The following ASTN2 variants were observed in gnomAD, a reference collection of about 807,000 sequenced individuals.
The protein encoded by ASTN2 is astrotactin 2.
ASTN2 carries 54 observed loss-of-function variants against 139.8 expected under a neutral mutation model. That is an observed-to-expected ratio of 0.39 (90% CI 0.31 to 0.48). The LOEUF (loss-of-function observed/expected upper bound fraction) is 0.48. Ranked by LOEUF, ASTN2 falls within the 20% of genes least tolerant of loss-of-function variation. The probability of loss-of-function intolerance (pLI) is 0.95; values close to 1 mark genes in which losing one functional copy is unlikely to be tolerated. For synonymous variants in ASTN2, 756 were observed against 719.5 expected (o/e 1.05, Z -0.81); for missense variants, 1,565 against 1,725.1 (o/e 0.91, Z 1.64).
chr9:116,898,092 A>T (rs1429148283), intron 10 of ASTN2, among the ~76,000 whole-genome samples: 1 of 152,066 alleles, frequency 6.6e-6, no homozygotes, highest in Non-Finnish European at 1.5e-5. Flanking sequence ...CTAGTATCAC[A>T]GGAGACTACA....
At chr9:117,341,070 G>C (rs1490244033) in intron 1 of ASTN2, among the ~76,000 whole-genome samples, 2 of 152,160 alleles carry the variant, frequency 1.3e-5, no homozygotes, top group Admixed American at 1.3e-4. Flanking sequence ...GAGATATACA[G>C]GATTGAATTA....
chr9:116,476,477 C>T (rs12005639), intron 20 of ASTN2, among the ~76,000 whole-genome samples: 25,154 of 152,056 alleles, frequency 0.17, 2,366 homozygotes, highest in Middle Eastern at 0.23. Context: ...GGTGTCCCCA[C>T]GGTCCCTGGA....
intron 1 of ASTN2, among the ~76,000 whole-genome samples, chr9:117,393,330 A>C (rs1243954454): frequency 6.6e-6 from 1 of 152,206 alleles, no homozygotes; most frequent in Non-Finnish European, 1.5e-5. Context: ...GGGGACAGAG[A>C]GACAGAGACT....
At chr9:117,232,968 C>A (rs1458024119) in intron 2 of ASTN2, among the ~76,000 whole-genome samples, 4 of 151,490 alleles carry the variant, frequency 2.6e-5, no homozygotes, top group Admixed American at 6.6e-5. Context: ...TTCCTTCCTT[C>A]TGCTCAGGGA....
chr9:116,760,595 C>A (rs927962130), intron 13 of ASTN2, among the ~76,000 whole-genome samples: 4 of 152,160 alleles, frequency 2.6e-5, no homozygotes, highest in Non-Finnish European at 4.4e-5. Context: ...CTTTGGGAAG[C>A]AAACCTGGTA....
At chr9:116,997,954 G>T (rs1469913279) in intron 7 of ASTN2, among the ~76,000 whole-genome samples, 1 of 152,136 alleles carries the variant, frequency 6.6e-6, no homozygotes, top group Non-Finnish European at 1.5e-5. Flanking sequence ...TATAGATAAT[G>T]AATCTGCATT....
chr9:117,408,847 G>A lies in ASTN2; in HGVS notation c.442+5650C>T, dbSNP rs369800684. 1.1e-3 allele frequency among the ~76,000 whole-genome samples: 169 copies of A among 152,236 alleles called. 1 individual carries two copies. Among genetic ancestry groups the A allele is most frequent in the African/African-American group, 3.9e-3 (161 of 41,542 alleles). ...ATAGTACTTTCTGAAGGAAGACAAC[G>A]TATTTCACTCTGCCCTGAGCATTAA... On this transcript the variant is annotated intron_variant, in intron 1 of 22. Coordinates refer to ENST00000313400, the MANE Select transcript of ASTN2 (RefSeq NM_001365068.1).
chr9:116,575,557 C>T (rs559694582), intron 19 of ASTN2, among the ~76,000 whole-genome samples: 1 of 152,228 alleles, frequency 6.6e-6, no homozygotes, highest in African/African-American at 2.4e-5. Context: ...ACATAGTCAG[C>T]AATCAATGTA....
intron 19 of ASTN2, among the ~76,000 whole-genome samples, chr9:116,497,206 G>A (rs887305366): frequency 2.6e-5 from 4 of 152,174 alleles, no homozygotes; most frequent in Non-Finnish European, 5.9e-5. Flanking sequence ...ATAGCCATGG[G>A]CCAAGAGGAT....
At chr9:116,848,887 A>G (rs763572014) in intron 11 of ASTN2, among the ~76,000 whole-genome samples, 4 of 152,202 alleles carry the variant, frequency 2.6e-5, no homozygotes, top group Non-Finnish European at 4.4e-5. Context: ...ACTCAGTCCC[A>G]TAAGACTGCC....
intron 2 of ASTN2, among the ~76,000 whole-genome samples, chr9:117,254,895 A>C (rs1330738733): frequency 6.6e-6 from 1 of 152,206 alleles, no homozygotes; most frequent in African/African-American, 2.4e-5. Context: ...TTTTCTTAAA[A>C]AGGCTTGCTG....
At chr9:116,817,471 T>G (rs990370115) in intron 12 of ASTN2, among the ~76,000 whole-genome samples, 7 of 151,332 alleles carry the variant, frequency 4.6e-5, no homozygotes, top group African/African-American at 1.7e-4. Flanking sequence ...TCAGTGGGGG[T>G]ACAAAGGAGA....
chr9:116,820,736 G>A lies in ASTN2; in HGVS notation c.2088C>T (p.Asp696=). Residue 696 remains aspartate, a synonymous_variant, in exon 12 of 23, where the codon GAC becomes GAT. Transcript: ENST00000313400. The part of the protein sequence containing the change: ...KPMKDGSGCY[D]HSKGIDCSDG... ...CAGAGCAGTCAATGCCTTTGGAGTG[G>A]TCGTAGCAGCCAGAGCCATCCTTCA... 6.2e-7 allele frequency: 1 copy of A among 1,614,186 alleles called. No individual in the cohort carries two copies.
At chr9:116,443,462 A>G (rs1172124630) in intron 20 of ASTN2, among the ~76,000 whole-genome samples, 1 of 152,146 alleles carries the variant, frequency 6.6e-6, no homozygotes, top group African/African-American at 2.4e-5. Flanking sequence ...TCCATGCTAT[A>G]TTGATGGAAG....
chr9:117,054,869 G>C lies in ASTN2; in HGVS notation c.1277-14904C>G, dbSNP rs138672520. Among the ~76,000 whole-genome samples, 122 of 152,322 alleles carry C rather than the reference G, an allele frequency of 8.0e-4. 2 individuals carry two copies. Among genetic ancestry groups the C allele is most frequent in the South Asian group, 2.5e-3 (12 of 4,828 alleles). On this transcript the variant is annotated intron_variant, in intron 5 of 22. Transcript: ENST00000313400. ...AATTTTTCCATGGACTGCAGGAGGT[G>C]GGGGAGTATGATTTCAGAATGAAAC...
chr9:117,232,890 T>A (rs1588115420), intron 2 of ASTN2, among the ~76,000 whole-genome samples: 1 of 38,680 alleles, frequency 2.6e-5, no homozygotes, highest in African/African-American at 1.7e-4. Context: ...AGGTACAGAT[T>A]TTTTTTTTTT....
intron 19 of ASTN2, among the ~76,000 whole-genome samples, chr9:116,596,734 T>C (rs962786490): frequency 8.5e-5 from 13 of 152,228 alleles, no homozygotes; most frequent in Admixed American, 5.2e-4. Flanking sequence ...AGGGATGTGA[T>C]AGAAAATGAC....
intron 13 of ASTN2, among the ~76,000 whole-genome samples, chr9:116,747,465 A>G (rs975380904): frequency 6.6e-6 from 1 of 152,168 alleles, no homozygotes; most frequent in African/African-American, 2.4e-5. Flanking sequence ...GGTTCTCTGC[A>G]GGCTTTGTTT....
At chr9:116,570,501 T>C (rs928440818) in intron 19 of ASTN2, among the ~76,000 whole-genome samples, 1 of 152,140 alleles carries the variant, frequency 6.6e-6, no homozygotes, top group African/African-American at 2.4e-5. Context: ...GTTCATGCCT[T>C]TCTCCTGCCT....
Sources: gnomAD v4.1 joint callset for allele counts (sites outside exome capture counted in the v4.1 genomes callset) on GRCh38, gnomAD v4.1.1 for gene constraint, MANE v1.5 for transcripts, NCBI Gene and HGNC (gene_info 2026-07-23, HGNC 2026-07-21) for gene names.